The following DIAPH3 variants were observed in gnomAD, a reference collection of about 807,000 sequenced individuals.
DIAPH3 encodes protein diaphanous homolog 3.
In DIAPH3, 117 loss-of-function variants were observed where a neutral mutation model predicts 144.3. The ratio of observed to expected loss-of-function variants is 0.81; its 90% CI spans 0.70 to 0.95. The LOEUF (loss-of-function observed/expected upper bound fraction) is 0.95. Ranked by LOEUF, DIAPH3 falls within the 40% of genes least tolerant of loss-of-function variation. The pLI, the probability that DIAPH3 is intolerant of heterozygous loss-of-function variation, is 0.00. For synonymous variants in DIAPH3, 519 were observed against 488.9 expected (o/e 1.06, Z -0.81); for missense variants, 1,421 against 1,412.7 (o/e 1.01, Z -0.09).
chr13:59,712,852 G>A (rs1028770552), intron 27 of DIAPH3, among the ~76,000 whole-genome samples: 1 of 152,178 alleles, frequency 6.6e-6, no homozygotes, highest in African/African-American at 2.4e-5. Flanking sequence ...CTGGTTTCAT[G>A]GAAGACAATT....
intron 27 of DIAPH3, among the ~76,000 whole-genome samples, chr13:59,679,830 C>T (rs745556286): frequency 1.3e-5 from 2 of 150,814 alleles, no homozygotes; most frequent in African/African-American, 2.4e-5. Flanking sequence ...ACACAATGCA[C>T]AAAAAGAATA....
intron 4 of DIAPH3, among the ~76,000 whole-genome samples, chr13:60,062,881 A>C (rs954810668): frequency 6.6e-6 from 1 of 152,298 alleles, no homozygotes; most frequent in Admixed American, 6.5e-5. Context: ...AGCAAGTCCT[A>C]TTTTTGCTGG....
At chr13:59,726,529 G>A (rs1489448713) in intron 27 of DIAPH3, among the ~76,000 whole-genome samples, 1 of 152,076 alleles carries the variant, frequency 6.6e-6, no homozygotes, top group Non-Finnish European at 1.5e-5. Flanking sequence ...ATTTTCATGG[G>A]ATAATTGAGC....
intron 5 of DIAPH3, among the ~76,000 whole-genome samples, chr13:60,040,540 CCTTCTATTTTGTTTT>C (rs200736520): frequency 0.017 from 2,540 of 152,122 alleles, 29 homozygotes; most frequent in Non-Finnish European, 0.022. Flanking sequence ...TATATAAAAA[CCTTCTATTTTGTTTT>C]CTTTTGTTAG....
At chr13:59,930,023 C>T (rs2047948672) in intron 17 of DIAPH3, among the ~76,000 whole-genome samples, 1 of 152,122 alleles carries the variant, frequency 6.6e-6, no homozygotes, top group Non-Finnish European at 1.5e-5. Context: ...ATAAACATGG[C>T]ATGTGTTTAT....
chr13:59,911,623 T>C (rs948650431), intron 20 of DIAPH3, 112 bp downstream of exon 20: 4 of 794,228 alleles, frequency 5.0e-6, no homozygotes, highest in Non-Finnish European at 8.7e-6. Flanking sequence ...AAGATGGATA[T>C]TAAATGTATG....
chr13:59,976,015 G>C (rs2050659265), intron 14 of DIAPH3, among the ~76,000 whole-genome samples: 1 of 151,836 alleles, frequency 6.6e-6, no homozygotes, highest in Admixed American at 6.6e-5. Context: ...TCCCCCTAAG[G>C]ACTTGCTAAA....
At chr13:59,762,883 G>A (rs1302048449) in intron 27 of DIAPH3, among the ~76,000 whole-genome samples, 2 of 152,074 alleles carry the variant, frequency 1.3e-5, no homozygotes, top group Admixed American at 6.6e-5. Context: ...ATTATTGTGA[G>A]AATAGTTTCC....
chr13:59,949,935 A>G lies in DIAPH3; in HGVS notation c.2074+20009T>C, dbSNP rs545619977. 2.6e-5 allele frequency among the ~76,000 whole-genome samples: 4 copies of G among 152,278 alleles called. No homozygotes were observed. In the South Asian group the frequency reaches 6.2e-4, roughly 24 times the overall value. ...TCACACTTCCTCAAAGAGCTTTTAT[A>G]GCTAATGTACTCCCATGGAAGTAAC... On this transcript the variant is annotated intron_variant, in intron 17 of 27. Transcript: ENST00000400324.
At chr13:60,073,892 T>C (rs1053352615) in intron 4 of DIAPH3, among the ~76,000 whole-genome samples, 2 of 152,214 alleles carry the variant, frequency 1.3e-5, no homozygotes, top group African/African-American at 4.8e-5. Flanking sequence ...TTTTCCTAAT[T>C]GAAATGTGGT....
intron 5 of DIAPH3, among the ~76,000 whole-genome samples, chr13:60,032,081 C>T (rs1310796081): frequency 1.3e-5 from 2 of 152,210 alleles, no homozygotes; most frequent in Non-Finnish European, 2.9e-5. Flanking sequence ...TGTCCCACAT[C>T]CAGGCCACAT....
In DIAPH3 at chr13:59,839,238, T is replaced by C; in HGVS notation, c.2862+86A>G. 17 of 1,543,944 alleles carry C rather than the reference T, an allele frequency of 1.1e-5. No individual in the cohort carries two copies. The South Asian group carries it at 1.9e-4, about 18-fold the overall frequency. On this transcript the variant is annotated intron_variant, in intron 23 of 27. Transcript: ENST00000400324. ...TAATTTGGCACTACAGAATGATCTC[T>C]GGTTACACAAAGACATCTAAAATAT...
intron 4 of DIAPH3, among the ~76,000 whole-genome samples, chr13:60,073,409 G>A (rs1047037557): frequency 1.3e-5 from 2 of 151,940 alleles, no homozygotes; most frequent in African/African-American, 4.8e-5. Flanking sequence ...AGGAATGAAA[G>A]AACTTTGCAA....
chr13:59,972,121 A>T (rs2050420855), intron 15 of DIAPH3, among the ~76,000 whole-genome samples: 1 of 152,180 alleles, frequency 6.6e-6, no homozygotes, highest in African/African-American at 2.4e-5. Flanking sequence ...CATGACAGCT[A>T]TGGAAGAAAT....
chr13:59,967,939 T>C (rs915456472), intron 17 of DIAPH3, among the ~76,000 whole-genome samples: 39 of 152,242 alleles, frequency 2.6e-4, no homozygotes, highest in African/African-American at 8.9e-4. Context: ...TGAGTTGAAT[T>C]GAGACAGAAG....
intron 23 of DIAPH3, 72 bp downstream of exon 23, chr13:59,839,252 C>A (rs987638079): frequency 6.3e-7 from 1 of 1,576,860 alleles, no homozygotes; most frequent in African/African-American, 1.4e-5. Flanking sequence ...TACACAAAGA[C>A]ATCTAAAATA....
intron 2 of DIAPH3, among the ~76,000 whole-genome samples, chr13:60,115,563 T>G (rs1437654443): frequency 6.6e-6 from 1 of 152,154 alleles, no homozygotes; most frequent in East Asian, 1.9e-4. Context: ...TTTTATAAAG[T>G]TATAGTTTAA....
intron 4 of DIAPH3, among the ~76,000 whole-genome samples, chr13:60,082,995 A>C (rs1157414849): frequency 6.6e-6 from 1 of 152,088 alleles, no homozygotes; most frequent in Non-Finnish European, 1.5e-5. Context: ...CAGTAATTAA[A>C]CAAAAAGAAC....
At chr13:60,031,107 G>T (rs116428510) in intron 5 of DIAPH3, among the ~76,000 whole-genome samples, 2 of 152,178 alleles carry the variant, frequency 1.3e-5, no homozygotes, top group African/African-American at 4.8e-5. Flanking sequence ...TGTACAGGAG[G>T]TATGGCGCCA....
Sources: allele counts gnomAD v4.1 joint callset (sites outside exome capture counted in the v4.1 genomes callset), GRCh38; gene constraint gnomAD v4.1.1; transcripts MANE v1.5; gene names NCBI Gene and HGNC (gene_info 2026-07-23, HGNC 2026-07-21).